The following PPARGC1B variants were observed in gnomAD, a reference collection of about 807,000 sequenced individuals.
PPARGC1B encodes peroxisome proliferator-activated receptor gamma coactivator 1-beta.
Under a neutral mutation model 101.6 loss-of-function variants are expected in PPARGC1B, and 34 were observed. The observed-to-expected ratio is 0.33, with a 90% CI of 0.25 to 0.45. The LOEUF is 0.45. Ranked by LOEUF, PPARGC1B falls within the 20% of genes least tolerant of loss-of-function variation. The pLI is 1.00. For synonymous variants in PPARGC1B, 548 were observed against 539.3 expected, an observed-to-expected ratio of 1.02 and a Z score of -0.22; for missense variants, 1,234 against 1,317.6, an observed-to-expected ratio of 0.94 and a Z score of 0.98.
chr5:149,831,755 G>A lies in PPARGC1B; in HGVS notation c.582+872G>A, dbSNP rs148764175. Among the ~76,000 whole-genome samples, 456 of 152,322 alleles carry A rather than the reference G, an allele frequency of 3.0e-3. 3 individuals carry two copies. Among genetic ancestry groups the A allele is most frequent in the African/African-American group, 0.01 (433 of 41,574 alleles). On this transcript the variant is annotated intron_variant, in intron 4 of 11. Coordinates refer to ENST00000309241, the MANE Select transcript of PPARGC1B (RefSeq NM_133263.4). Reference sequence around the variant, plus strand: ...CCAGCACAACGATGAGTCACACTTGGGGGGAAAGCCCCAGTGTGGACAAGC... The same window carrying A: ...CCAGCACAACGATGAGTCACACTTGAGGGGAAAGCCCCAGTGTGGACAAGC...
Position 149,845,802 on chromosome 5 carries a change from C to T in PPARGC1B, c.2859C>T (p.His953=), listed in dbSNP as rs778744535. ...YGFITYRCSE[H]AALSLTKGAA... is the part of the protein sequence containing the mutation. ...TCATCACCTACCGGTGTTCTGAGCA[C>T]GCGGCCCTCTCTTTGACAAAGGGCG... is the stretch of plus-strand genomic sequence containing the variant. The change falls in exon 11 of 12, where the codon CAC becomes CAT. Residue 953 remains histidine, a synonymous_variant. Coordinates refer to ENST00000309241, the MANE Select transcript of PPARGC1B (RefSeq NM_133263.4). The T allele has an allele frequency of 2.4e-5, 38 of 1,613,866 alleles. No homozygotes were observed. The East Asian group carries it at 6.2e-4, about 26-fold the overall frequency.
At chr5:149,732,012 A>AG (rs1307258651) in intron 1 of PPARGC1B, among the ~76,000 whole-genome samples, 1 of 151,040 alleles carries the variant, frequency 6.6e-6, no homozygotes, top group Non-Finnish European at 1.5e-5. Flanking sequence ...CTCGAGATCG[A>AG]GGGGAATGTG....
chr5:149,773,359 G>A (rs938565934), intron 1 of PPARGC1B, among the ~76,000 whole-genome samples: 1 of 152,376 alleles, frequency 6.6e-6, no homozygotes, highest in Admixed American at 6.5e-5. Flanking sequence ...GCCATGTTTT[G>A]TGCAGCTGGT....
rs373430060 is a variant in PPARGC1B, at chr5:149,824,709, A to G, written c.253-1964A>G. On this transcript the variant is annotated intron_variant, in intron 2 of 11. Transcript: ENST00000309241. ...GGGAGTCTGGCCTGAGGGTTGAAGG[A>G]GACTTGTGGGTAGGGGGTGGGGGCA... Among the ~76,000 whole-genome samples, 16 of 152,020 alleles carry G rather than the reference A, an allele frequency of 1.1e-4. No homozygotes were observed. In the East Asian group the frequency reaches 1.2e-3, roughly 11 times the overall value.
At chr5:149,799,689 TG>T (rs1561553762) in intron 1 of PPARGC1B, among the ~76,000 whole-genome samples, 10 of 92,092 alleles carry the variant, frequency 1.1e-4, no homozygotes, top group African/African-American at 5.2e-4. Context: ...GTTTGCTTGT[TG>T]TTGTTTTTTT....
In PPARGC1B at chr5:149,854,140, C is replaced by T. The variant is rs967116875; in HGVS notation, c.*6582C>T. ...ATTTTCTCTTGGTGTGACCACACAGCCTAGAGAATTCTGAGCAATAGGAGC... is the reference window on the plus strand; with the variant it reads ...ATTTTCTCTTGGTGTGACCACACAGTCTAGAGAATTCTGAGCAATAGGAGC... On this transcript the variant is annotated 3_prime_UTR_variant, in exon 12 of 12. Coordinates refer to ENST00000309241, the MANE Select transcript of PPARGC1B (RefSeq NM_133263.4). 3 of 152,124 alleles carry T rather than the reference C, an allele frequency of 2.0e-5. No individual in the cohort carries two copies. The highest frequency in any genetic ancestry group is 7.2e-5 in the African/African-American group (3 of 41,412). The allele number at this position is 152,124 out of a possible 1,614,324, so 9.4% of individuals were successfully genotyped here.
intron 3 of PPARGC1B, among the ~76,000 whole-genome samples, chr5:149,830,271 G>T (rs1324642034): frequency 6.6e-6 from 1 of 150,690 alleles, no homozygotes; most frequent in African/African-American, 2.4e-5. Flanking sequence ...TCATTTACAA[G>T]TATTACCTTG....
intron 2 of PPARGC1B, among the ~76,000 whole-genome samples, chr5:149,823,875 G>A (rs577414011): frequency 5.6e-4 from 86 of 152,240 alleles, no homozygotes; most frequent in African/African-American, 1.9e-3. Context: ...CACCGTGACC[G>A]GCACTCAGTA....
chr5:149,737,629 G>A (rs1754770204), intron 1 of PPARGC1B, among the ~76,000 whole-genome samples: 3 of 152,248 alleles, frequency 2.0e-5, no homozygotes, highest in African/African-American at 7.2e-5. Context: ...TGCCAGCTTC[G>A]AGGCCTTTGG....
chr5:149,734,197 C>T (rs1475756299), intron 1 of PPARGC1B, among the ~76,000 whole-genome samples: 2 of 148,336 alleles, frequency 1.3e-5, no homozygotes, highest in East Asian at 3.9e-4. Context: ...TGACACACAC[C>T]TGTAATCCCA....
At chr5:149,826,985 G>A (rs762129594) in intron 3 of PPARGC1B, 100 bp downstream of exon 3, 2 of 918,030 alleles carry the variant, frequency 2.2e-6, no homozygotes, top group African/African-American at 1.7e-5. Flanking sequence ...CCCCGCAGGG[G>A]ACTCCGTGCA....
At chr5:149,736,211 A>G (rs1222262978) in intron 1 of PPARGC1B, among the ~76,000 whole-genome samples, 4 of 152,196 alleles carry the variant, frequency 2.6e-5, no homozygotes, top group African/African-American at 9.7e-5. Context: ...TCAATCCTTG[A>G]AATGGGGATA....
rs367699771 is a variant in PPARGC1B at position 149,845,826 on chromosome 5, C to T, written c.2883C>T (p.Gly961=). The T allele has an allele frequency of 1.3e-5, 21 of 1,614,100 alleles. No homozygotes were observed. Among genetic ancestry groups the T allele is most frequent in the African/African-American group, 5.3e-5 (4 of 74,946 alleles). ...ACGCGGCCCTCTCTTTGACAAAGGG[C>T]GCTGCCCTGAGGAAGCGCAACGAGC... The part of the protein sequence containing the change: ...SEHAALSLTK[G]AALRKRNEPS... Residue 961 remains glycine, a synonymous_variant, in exon 11 of 12, where the codon GGC becomes GGT. Transcript: ENST00000309241.
Position 149,833,753 on chromosome 5 carries a change from C to T in PPARGC1B, c.1680C>T (p.Pro560=). ...GGTGTGGGGACATGGATGAGGACCCCAGCTGCCCGCAGCTCCCTCCCAGAG... is the reference window on the plus strand; with the variant it reads ...GGTGTGGGGACATGGATGAGGACCCTAGCTGCCCGCAGCTCCCTCCCAGAG... ...ESGCGDMDED[P]SCPQLPPRDS... Residue 560 remains proline (P), a synonymous_variant, in exon 5 of 12, where the codon CCC becomes CCT. Coordinates refer to ENST00000309241, the MANE Select transcript of PPARGC1B (RefSeq NM_133263.4). This position sits in a 1 kb window ranked among gnomAD's most constrained non-coding sequence, Gnocchi z 4.1. The T allele has an allele frequency of 6.5e-7, 1 of 1,541,298 alleles. No individual in the cohort carries two copies. Among genetic ancestry groups the T allele is most frequent in the Non-Finnish European group, 8.7e-7 (1 of 1,149,118 alleles).
Position 149,748,446 on chromosome 5 carries a change from G to T in PPARGC1B, c.78+18026G>T, listed in dbSNP as rs182877116. Among the ~76,000 whole-genome samples the T allele has an allele frequency of 5.3e-5, 8 of 152,246 alleles. No individual in the cohort carries two copies. In the East Asian group the frequency reaches 1.5e-3, roughly 29 times the overall value. ...TAATAATGACAATTACCAGTGACCA[G>T]ATGGTTTGGTGACAGTTTAGTGGAG... On this transcript the variant is annotated intron_variant, in intron 1 of 11. Transcript: ENST00000309241.
Position 149,821,619 on chromosome 5 carries a change from C to T in PPARGC1B, c.252+1013C>T, listed in dbSNP as rs531012434. Among the ~76,000 whole-genome samples, 18 of 152,320 alleles carry T rather than the reference C, an allele frequency of 1.2e-4. No homozygotes were observed. In the East Asian group the frequency reaches 2.1e-3, roughly 18 times the overall value. On this transcript the variant is annotated intron_variant, in intron 2 of 11. Transcript: ENST00000309241. Reference sequence around the variant, plus strand: ...ATAATAATAACAACCACAATAACATCGCGTGTGCTGAACACCAAGGTGGTG... The same window carrying T: ...ATAATAATAACAACCACAATAACATTGCGTGTGCTGAACACCAAGGTGGTG...
intron 1 of PPARGC1B, among the ~76,000 whole-genome samples, chr5:149,741,324 C>T (rs1181355620): frequency 1.3e-5 from 2 of 152,246 alleles, no homozygotes; most frequent in Non-Finnish European, 2.9e-5. Context: ...CTGCTCGCGC[C>T]TTTATTTCTG....
At chr5:149,771,605 TA>T (rs1466347051) in intron 1 of PPARGC1B, among the ~76,000 whole-genome samples, 1 of 152,126 alleles carries the variant, frequency 6.6e-6, no homozygotes, top group Non-Finnish European at 1.5e-5. Context: ...AGGCATAGAG[TA>T]ACAGGAGCCA....
intron 1 of PPARGC1B, chr5:149,772,149 G>C: frequency 6.2e-7 from 1 of 1,606,702 alleles, no homozygotes; most frequent in Non-Finnish European, 8.5e-7. Context: ...GGTAGGTGTT[G>C]GGCCAGAGGT....
Sources: gnomAD v4.1 joint callset for allele counts (sites outside exome capture counted in the v4.1 genomes callset) on GRCh38, gnomAD v4.1.1 for gene constraint, Gnocchi (gnomAD v3.1) non-coding constraint, MANE v1.5 for transcripts, NCBI Gene and HGNC (gene_info 2026-07-23, HGNC 2026-07-21) for gene names.